The following SHANK2 variants were observed in gnomAD, a reference collection of about 807,000 sequenced individuals.
The protein encoded by SHANK2 is SH3 and multiple ankyrin repeat domains protein 2.
In SHANK2, 43 loss-of-function variants were observed where a neutral mutation model predicts 133.7. The observed-to-expected ratio is 0.32, with a 90% CI of 0.25 to 0.41. The LOEUF is 0.41. Among genes scored for constraint, SHANK2 ranks in the 10% least tolerant of loss-of-function variants. The pLI, the probability that SHANK2 is intolerant of heterozygous loss-of-function variation, is 1.00. For synonymous variants in SHANK2, 1,017 were observed against 952.8 expected (o/e 1.07, Z -1.24); for missense variants, 1,994 against 2,235.8 (o/e 0.89, Z 2.18).
At chr11:71,070,292 C>A (rs1281987158) in intron 9 of SHANK2, among the ~76,000 whole-genome samples, 2 of 152,180 alleles carry the variant, frequency 1.3e-5, no homozygotes, top group Admixed American at 1.3e-4. Context: ...ATGAGGGATA[C>A]ACGAAGCTGG....
At chr11:71,108,890 C>T (rs77655377) in intron 6 of SHANK2, among the ~76,000 whole-genome samples, 4,447 of 152,352 alleles carry the variant, frequency 0.029, 210 homozygotes, top group African/African-American at 0.1. Flanking sequence ...GACAGTCCCC[C>T]GGCAGTGCTC....
chr11:70,896,767 T>C (rs79692509), intron 10 of SHANK2, among the ~76,000 whole-genome samples, 200 bp from the exon 11 acceptor site: 1,993 of 152,344 alleles, frequency 0.013, 43 homozygotes, highest in African/African-American at 0.044. Flanking sequence ...TGTTCTATGA[T>C]GATAAGGTTG....
chr11:70,850,863 A>G (rs1555065232), intron 11 of SHANK2, among the ~76,000 whole-genome samples: 1 of 152,168 alleles, frequency 6.6e-6, no homozygotes, highest in Non-Finnish European at 1.5e-5. Flanking sequence ...AGTCCTGACA[A>G]TTGTGCTGCT....
intron 17 of SHANK2, among the ~76,000 whole-genome samples, chr11:70,643,095 C>G (rs375548304): frequency 5.9e-5 from 9 of 152,192 alleles, no homozygotes; most frequent in African/African-American, 2.2e-4. Context: ...AATAGCTGAG[C>G]CCCCTGTGAC....
At chr11:70,793,499 A>G (rs938528393) in intron 14 of SHANK2, among the ~76,000 whole-genome samples, 9 of 152,246 alleles carry the variant, frequency 5.9e-5, no homozygotes, top group Non-Finnish European at 8.8e-5. Context: ...CTACAAACCA[A>G]TAAGGAAAAG....
intron 15 of SHANK2, among the ~76,000 whole-genome samples, chr11:70,686,942 CT>C (rs1945168415): frequency 6.6e-6 from 1 of 152,248 alleles, no homozygotes. Context: ...CTGATGGCCC[CT>C]GTCTGGACCC....
chr11:70,760,572 C>T lies in SHANK2; in HGVS notation c.1777+37871G>A, dbSNP rs1022721163. On this transcript the variant is annotated intron_variant, in intron 14 of 25. Coordinates refer to ENST00000601538, the MANE Select transcript of SHANK2 (RefSeq NM_012309.5). ...GACTCATAGCACCTGGAAGTTAGGA[C>T]GCATACTGGTCATGGGTGGGGCCAG... Among the ~76,000 whole-genome samples the T allele has an allele frequency of 1.5e-4, 23 of 152,244 alleles. 1 individual carries two copies. Among genetic ancestry groups the T allele is most frequent in the South Asian group, 2.1e-4 (1 of 4,836 alleles).
chr11:71,106,593 A>G (rs1951804451), intron 6 of SHANK2, among the ~76,000 whole-genome samples: 2 of 152,232 alleles, frequency 1.3e-5, no homozygotes, highest in Admixed American at 1.3e-4. Context: ...TCCTTTAATT[A>G]TGCTGCTTCA....
chr11:70,480,229 C>T (rs1220740158), intron 25 of SHANK2, among the ~76,000 whole-genome samples: 1 of 152,200 alleles, frequency 6.6e-6, no homozygotes, highest in African/African-American at 2.4e-5. Context: ...TACTCTCTGT[C>T]CCGTGCCTGG....
chr11:70,816,345 T>C (rs553476051), intron 12 of SHANK2, among the ~76,000 whole-genome samples: 27 of 152,292 alleles, frequency 1.8e-4, no homozygotes, highest in Admixed American at 1.7e-3. Flanking sequence ...CAGCACTGCT[T>C]GGGGGATGTT....
chr11:70,620,762 C>G (rs1020992833), intron 17 of SHANK2, among the ~76,000 whole-genome samples: 2 of 152,164 alleles, frequency 1.3e-5, no homozygotes, highest in African/African-American at 4.8e-5. Context: ...GAAGAAACTC[C>G]AGAGAGCTTG....
intron 17 of SHANK2, among the ~76,000 whole-genome samples, chr11:70,610,610 G>A (rs1388911256): frequency 1.3e-5 from 2 of 152,190 alleles, no homozygotes; most frequent in Admixed American, 6.5e-5. Flanking sequence ...AGTAATCCTC[G>A]ACTCTCCGTT....
intron 9 of SHANK2, among the ~76,000 whole-genome samples, chr11:71,073,234 C>T (rs1951172879): frequency 6.9e-6 from 1 of 145,700 alleles, no homozygotes; most frequent in South Asian, 2.2e-4. Context: ...TCTCAGCTCA[C>T]TGCAACCTCC....
At chr11:70,577,250 T>C (rs2060127511) in intron 17 of SHANK2, among the ~76,000 whole-genome samples, 1 of 152,100 alleles carries the variant, frequency 6.6e-6, no homozygotes, top group South Asian at 2.1e-4. Context: ...TGATAAGGGA[T>C]CATCAGTGTC....
chr11:71,119,846 C>T (rs1415541224), intron 3 of SHANK2, among the ~76,000 whole-genome samples: 2 of 152,082 alleles, frequency 1.3e-5, no homozygotes, highest in African/African-American at 2.4e-5. Context: ...AGCCACAGCC[C>T]GCGCATATTT....
At chr11:71,222,687 T>A (rs1336269018) in intron 2 of SHANK2, among the ~76,000 whole-genome samples, 1 of 152,202 alleles carries the variant, frequency 6.6e-6, no homozygotes, top group Non-Finnish European at 1.5e-5. Context: ...ATCTTATGGC[T>A]CAACCCCGAG....
chr11:70,822,113 A>G (rs1555056069), intron 11 of SHANK2, among the ~76,000 whole-genome samples: 1 of 152,266 alleles, frequency 6.6e-6, no homozygotes, highest in Non-Finnish European at 1.5e-5. Context: ...GCTCCGCAGG[A>G]AACAGCAGAA....
intron 14 of SHANK2, among the ~76,000 whole-genome samples, chr11:70,782,577 A>G (rs1168223230): frequency 6.6e-6 from 1 of 152,248 alleles, no homozygotes; most frequent in Non-Finnish European, 1.5e-5. Flanking sequence ...GCCCCCAGAA[A>G]AAAAAGGCAA....
intron 14 of SHANK2, among the ~76,000 whole-genome samples, chr11:70,768,295 A>G (rs1438499363): frequency 6.6e-5 from 10 of 152,250 alleles, no homozygotes; most frequent in African/African-American, 2.4e-4. Flanking sequence ...ACAGTGAAGT[A>G]GTGATGGAGG....
Sources: gnomAD v4.1 joint callset for allele counts (sites outside exome capture counted in the v4.1 genomes callset) on GRCh38, gnomAD v4.1.1 for gene constraint, MANE v1.5 for transcripts, NCBI Gene and HGNC (gene_info 2026-07-23, HGNC 2026-07-21) for gene names.